Variants in ROR2 observed in about 807,000 individuals in gnomAD.
ROR2 encodes the protein ROR family WNT receptor 2.
In ROR2, 33 loss-of-function variants were observed where a neutral mutation model predicts 74.9. The observed-to-expected ratio is 0.44, with a 90% CI of 0.33 to 0.59. ROR2 has a LOEUF of 0.59. Ranked by LOEUF, ROR2 falls within the 20% of genes least tolerant of loss-of-function variation. The pLI, the probability that ROR2 is intolerant of heterozygous loss-of-function variation, is 0.02. For missense variants in ROR2, 1,216 were observed against 1,313.8 expected (o/e 0.93, Z 1.15); for synonymous variants, 586 against 558.7 (o/e 1.05, Z -0.69).
chr9:91,745,936 T>G (rs1057372647), intron 4 of ROR2, among the ~76,000 whole-genome samples: 9 of 152,220 alleles, frequency 5.9e-5, no homozygotes, highest in African/African-American at 2.2e-4. Context: ...TTAGACTGGC[T>G]TCCCTCCTTC....
intron 1 of ROR2, among the ~76,000 whole-genome samples, chr9:91,936,588 G>C (rs1390906900): frequency 6.6e-6 from 1 of 152,146 alleles, no homozygotes; most frequent in East Asian, 1.9e-4. Context: ...ATCTTCTTTT[G>C]AGCAATTCAA....
intron 1 of ROR2, among the ~76,000 whole-genome samples, chr9:91,939,511 G>A (rs1587862191): frequency 6.6e-6 from 1 of 152,098 alleles, no homozygotes; most frequent in South Asian, 2.1e-4. Flanking sequence ...CTGCCTGACT[G>A]TACCTTTTGT....
At chr9:91,873,909 G>A (rs1829879025) in intron 1 of ROR2, among the ~76,000 whole-genome samples, 5 of 152,040 alleles carry the variant, frequency 3.3e-5, no homozygotes, top group African/African-American at 2.4e-5. Flanking sequence ...ATTAACTTTC[G>A]CTTCTCCTCA....
chr9:91,892,951 T>C (rs1409740253), intron 1 of ROR2, among the ~76,000 whole-genome samples: 1 of 152,126 alleles, frequency 6.6e-6, no homozygotes, highest in Non-Finnish European at 1.5e-5. Flanking sequence ...ATAAAGTACA[T>C]TGATGAATTT....
intron 1 of ROR2, among the ~76,000 whole-genome samples, chr9:91,889,531 G>A (rs980484642): frequency 2.0e-5 from 3 of 152,100 alleles, no homozygotes; most frequent in East Asian, 1.9e-4. Context: ...GTGTGGACCC[G>A]GACAGACCCC....
intron 1 of ROR2, among the ~76,000 whole-genome samples, chr9:91,939,508 A>G (rs972015148): frequency 3.3e-5 from 5 of 151,914 alleles, no homozygotes; most frequent in Non-Finnish European, 5.9e-5. Context: ...AAACTGCCTG[A>G]CTGTACCTTT....
chr9:91,944,026 A>G (rs1831947975), intron 1 of ROR2, among the ~76,000 whole-genome samples: 2 of 152,206 alleles, frequency 1.3e-5, no homozygotes. Flanking sequence ...TATTCAACAC[A>G]GTACAGTCAT....
intron 1 of ROR2, among the ~76,000 whole-genome samples, chr9:91,901,557 T>C (rs2119434857): frequency 6.6e-6 from 1 of 152,250 alleles, no homozygotes; most frequent in South Asian, 2.1e-4. Flanking sequence ...GGCTCATACC[T>C]GTAATCCCAG....
chr9:91,825,428 C>T (rs1033123987), intron 1 of ROR2, among the ~76,000 whole-genome samples: 2 of 152,198 alleles, frequency 1.3e-5, no homozygotes, highest in Non-Finnish European at 2.9e-5. Context: ...GTGGTGAGAA[C>T]ATAAAACAGA....
chr9:91,918,578 T>A (rs1200187075), intron 1 of ROR2, among the ~76,000 whole-genome samples: 1 of 152,244 alleles, frequency 6.6e-6, no homozygotes. Context: ...CAGTCTCCTA[T>A]GACACAATGT....
Position 91,855,548 on chromosome 9 carries a change from T to G in ROR2, c.98-79730A>C, listed in dbSNP as rs182786540. ...ATGGAACAGTGACCTCCACCCCCAGTTTCCTGCCCCCAGTGGCAGGGTAAG... is the reference window on the plus strand; with the variant it reads ...ATGGAACAGTGACCTCCACCCCCAGGTTCCTGCCCCCAGTGGCAGGGTAAG... On this transcript the variant is annotated intron_variant, in intron 1 of 8. Transcript: ENST00000375708. Among the ~76,000 whole-genome samples the G allele has an allele frequency of 3.1e-4, 47 of 152,262 alleles. No individual in the cohort carries two copies. In the East Asian group the frequency reaches 8.1e-3, roughly 26 times the overall value.
At chr9:91,857,469 A>G (rs1424470970) in intron 1 of ROR2, among the ~76,000 whole-genome samples, 1 of 152,206 alleles carries the variant, frequency 6.6e-6, no homozygotes, top group Non-Finnish European at 1.5e-5. Flanking sequence ...TGAGTCAACT[A>G]AAAACACACT....
At chr9:91,819,660 G>GTGTCTTTCAGTGTC (rs1554679212) in intron 1 of ROR2, among the ~76,000 whole-genome samples, 4 of 152,068 alleles carry the variant, frequency 2.6e-5, no homozygotes, top group African/African-American at 7.2e-5. Flanking sequence ...CTCTGTGTCT[G>GTGTCTTTCAGTGTC]TGTCTTTCAG....
At chr9:91,837,207 A>G (rs1048886803) in intron 1 of ROR2, among the ~76,000 whole-genome samples, 9 of 152,046 alleles carry the variant, frequency 5.9e-5, no homozygotes, top group African/African-American at 2.2e-4. Flanking sequence ...AAGCGAGTGC[A>G]GTGGCGCGAT....
At chr9:91,850,771 T>C (rs944560602) in intron 1 of ROR2, among the ~76,000 whole-genome samples, 2 of 152,222 alleles carry the variant, frequency 1.3e-5, no homozygotes, top group Non-Finnish European at 2.9e-5. Flanking sequence ...ATATATTATT[T>C]TTTGAGAATC....
chr9:91,796,041 G>A (rs545104467), intron 1 of ROR2, among the ~76,000 whole-genome samples: 10 of 152,294 alleles, frequency 6.6e-5, no homozygotes, highest in African/African-American at 1.4e-4. Flanking sequence ...AGGAGTTGGC[G>A]CCTGAAGAAA....
chr9:91,801,910 C>CATCG (rs2119058996), intron 1 of ROR2, among the ~76,000 whole-genome samples: 1 of 152,300 alleles, frequency 6.6e-6, no homozygotes, highest in Non-Finnish European at 1.5e-5. Flanking sequence ...GTTTGGGGAC[C>CATCG]ATCGCGCACA....
Position 91,733,449 on chromosome 9 carries a change from C to G in ROR2, c.623-13G>C, listed in dbSNP as rs762532658. On this transcript the variant is annotated splice_polypyrimidine_tract_variant and intron_variant, in intron 5 of 8. Transcript: ENST00000375708. The surrounding 1 kb of genome is among the most constrained non-coding windows in gnomAD (Gnocchi z 5.7). ...ATGGTGAAGGCCGCTGCAGAGCCCG[C>G]GAGACTCGCGTTAGCGGGGGACCCA... 1 of 1,607,396 alleles carries G rather than the reference C, an allele frequency of 6.2e-7. No individual in the cohort carries two copies. Among genetic ancestry groups the G allele is most frequent in the Non-Finnish European group, 8.5e-7 (1 of 1,178,576 alleles).
Position 91,783,123 on chromosome 9 carries a change from C to T in ROR2, c.98-7305G>A, listed in dbSNP as rs74464132. Among the ~76,000 whole-genome samples, 355 of 152,226 alleles carry T rather than the reference C, an allele frequency of 2.3e-3. 2 individuals carry two copies. The highest frequency in any genetic ancestry group is 8.0e-3 in the African/African-American group (333 of 41,528). ...CTCCTCATTGTCCCTCCATGCACAC[C>T]GTCTTTCCGTCCAAATCTCTCTTCC... On this transcript the variant is annotated intron_variant, in intron 1 of 8. Coordinates refer to ENST00000375708, the MANE Select transcript of ROR2 (RefSeq NM_004560.4).
Sources: gnomAD v4.1 joint callset for allele counts (sites outside exome capture counted in the v4.1 genomes callset) on GRCh38, gnomAD v4.1.1 for gene constraint, Gnocchi (gnomAD v3.1) non-coding constraint, MANE v1.5 for transcripts, NCBI Gene and HGNC (gene_info 2026-07-23, HGNC 2026-07-21) for gene names.